The following RNF24 variants were observed in gnomAD, a reference collection of about 807,000 sequenced individuals.
RNF24 encodes the protein ring finger protein 24.
In RNF24, 14 loss-of-function variants were observed where a neutral mutation model predicts 20.0. The observed-to-expected ratio is 0.70, with a 90% CI of 0.46 to 1.10. RNF24 has a LOEUF of 1.10. Among genes scored for constraint, RNF24 ranks in the 50% least tolerant of loss-of-function variants. The pLI is 0.00. For synonymous variants in RNF24, 45 were observed against 61.1 expected, an observed-to-expected ratio of 0.74 and a Z score of 1.23; for missense variants, 124 against 177.6, an observed-to-expected ratio of 0.70 and a Z score of 1.71.
At chr20:3,991,442 T>G (rs967146796) in intron 1 of RNF24, among the ~76,000 whole-genome samples, 2 of 151,846 alleles carry the variant, frequency 1.3e-5, no homozygotes, top group South Asian at 2.1e-4. Flanking sequence ...TTAGTAGAGA[T>G]AGGATTTCAC....
At chr20:4,007,751 A>G (rs181746470) in intron 1 of RNF24, among the ~76,000 whole-genome samples, 30 of 150,938 alleles carry the variant, frequency 2.0e-4, no homozygotes, top group African/African-American at 6.1e-4. Flanking sequence ...AAAAAAAAAA[A>G]AAAAAAGAAA....
At chr20:3,937,167 G>A (rs1026736225) in intron 4 of RNF24, among the ~76,000 whole-genome samples, 2 of 152,086 alleles carry the variant, frequency 1.3e-5, no homozygotes, top group South Asian at 4.1e-4. Flanking sequence ...ATGGTATAAT[G>A]TGCTATTATG....
chr20:3,963,170 A>G (rs1406516395), intron 2 of RNF24, among the ~76,000 whole-genome samples: 1 of 152,168 alleles, frequency 6.6e-6, no homozygotes, highest in Non-Finnish European at 1.5e-5. Context: ...TCTATGAGAT[A>G]TAAGGAGCAT....
chr20:3,999,004 C>T (rs536535593), intron 1 of RNF24, among the ~76,000 whole-genome samples: 1 of 152,032 alleles, frequency 6.6e-6, no homozygotes, highest in East Asian at 1.9e-4. Context: ...CGTTTGAACC[C>T]GCAAGGTGGG....
Position 3,957,366 on chromosome 20 carries a change from T to C in RNF24, c.143+6509A>G, listed in dbSNP as rs1390569832. Reference sequence around the variant, plus strand: ...GTCTCAGCTACTTGAGAGGCTGAGGTAGGATTGCTTGAGCCTGGGAGGTTG... The same window carrying C: ...GTCTCAGCTACTTGAGAGGCTGAGGCAGGATTGCTTGAGCCTGGGAGGTTG... On this transcript the variant is annotated intron_variant, in intron 2 of 5. Transcript: ENST00000358395. Among the ~76,000 whole-genome samples, 7 of 150,336 alleles carry C rather than the reference T, an allele frequency of 4.7e-5. No homozygotes were observed. The Admixed American group carries it at 4.7e-4, about 10-fold the overall frequency.
rs779039867 is a variant in RNF24, at chr20:3,934,126, C to T, written c.384G>A (p.Leu128=). 16 of 1,581,002 alleles carry T rather than the reference C, an allele frequency of 1.0e-5. No homozygotes were observed. Among genetic ancestry groups the T allele is most frequent in the Admixed American group, 3.6e-5 (2 of 55,676 alleles). The stretch of plus-strand genomic sequence containing the variant: ...GGGGTCCACGGTCCTGCTTACTGTG[C>T]AACTGGGCCAGCTGTAGAACTGGCA... The part of the protein sequence containing the change: ...CNMPVLQLAQ[L]HSKQDRGPPQ... The change falls in exon 6 of 6, where the codon TTG becomes TTA. Residue 128 remains leucine, a synonymous_variant. Transcript: ENST00000358395. The surrounding 1 kb of genome is among the most constrained non-coding windows in gnomAD (Gnocchi z 4.0).
rs552666138 is a variant in RNF24 at position 4,015,551 on chromosome 20, C to T, written c.-122G>A. 344 of 150,818 alleles carry T rather than the reference C, an allele frequency of 2.3e-3. No individual in the cohort carries two copies. Among genetic ancestry groups the T allele is most frequent in the Non-Finnish European group, 3.6e-3 (246 of 67,574 alleles). 9.3% of individuals were successfully genotyped at this position (150,818 alleles called of 1,614,324 possible). A position where few individuals can be genotyped will look rare whatever the true frequency, so the allele number is the denominator to read the frequency against. ...CAGAGCGCGGCGGAGGTGGCGGCGG[C>T]TGACTGCGCCCGGCGGCCCCTCGCG... On this transcript the variant is annotated 5_prime_UTR_variant, in exon 1 of 6. Transcript: ENST00000358395.
At position 3,999,476 on chromosome 20, in the gene RNF24, C is replaced by T. The variant is rs187087830; in HGVS notation, c.-8+15961G>A. 5.5e-3 allele frequency among the ~76,000 whole-genome samples: 834 copies of T among 152,204 alleles called. 17 individuals are homozygous for T. Among genetic ancestry groups the T allele is most frequent in the Admixed American group, 0.049 (744 of 15,280 alleles). ...TTCTTTGTTTAAAAAAAGTCACGGC[C>T]GGGTGCAGTGGCTCACGCCTGTAAT... On this transcript the variant is annotated intron_variant, in intron 1 of 5. Coordinates refer to ENST00000358395, the MANE Select transcript of RNF24 (RefSeq NM_001134337.3).
chr20:3,975,038 G>A (rs976148184), intron 1 of RNF24, among the ~76,000 whole-genome samples: 2 of 152,114 alleles, frequency 1.3e-5, no homozygotes, highest in Admixed American at 1.3e-4. Context: ...GACACTGATT[G>A]GTTTTAGCAA....
chr20:3,959,823 G>A (rs2091182288), intron 2 of RNF24, among the ~76,000 whole-genome samples: 1 of 152,158 alleles, frequency 6.6e-6, no homozygotes, highest in African/African-American at 2.4e-5. Context: ...CTAGGGAACC[G>A]TTCATTCATT....
intron 1 of RNF24, among the ~76,000 whole-genome samples, chr20:3,972,204 A>G (rs553851026): frequency 6.6e-5 from 10 of 152,358 alleles, no homozygotes; most frequent in African/African-American, 2.4e-4. Context: ...TTATACTCAA[A>G]TACTTCAAAA....
At chr20:4,003,085 TC>T (rs1367950746) in intron 1 of RNF24, among the ~76,000 whole-genome samples, 1 of 152,228 alleles carries the variant, frequency 6.6e-6, no homozygotes, top group African/African-American at 2.4e-5. Context: ...TTCTCCTGCC[TC>T]AGCCTTCTGA....
At chr20:3,940,147 G>A (rs112785379) in intron 4 of RNF24, among the ~76,000 whole-genome samples, 4 of 151,878 alleles carry the variant, frequency 2.6e-5, no homozygotes, top group South Asian at 2.1e-4. Flanking sequence ...TAGTAGAGAC[G>A]GGGTTTCTCT....
In RNF24 at chr20:3,927,845, AC is replaced by A. The variant is rs1224834281; in HGVS notation, c.*6217del. On this transcript the variant is annotated 3_prime_UTR_variant, in exon 6 of 6. Coordinates refer to ENST00000358395, the MANE Select transcript of RNF24 (RefSeq NM_001134337.3). The stretch of plus-strand genomic sequence containing the variant: ...CCCCAAAGCACAAACAAGTCTGCTG[AC>A]ACTGGTGGGGCCCTTACAGTCACAG... 6.6e-6 allele frequency: 1 copy of A among 152,252 alleles called. No individual in the cohort carries two copies. The highest frequency in any genetic ancestry group is 1.9e-4 in the East Asian group (1 of 5,198). The allele number at this position is 152,252 out of a possible 1,614,324, so 9.4% of individuals were successfully genotyped here.
chr20:4,008,442 TAA>T (rs1491281056), intron 1 of RNF24, among the ~76,000 whole-genome samples: 3 of 13,292 alleles, frequency 2.3e-4, no homozygotes, highest in South Asian at 2.9e-3. Context: ...ATAATATGTA[TAA>T]TATATATAAT....
intron 3 of RNF24, among the ~76,000 whole-genome samples, chr20:3,945,756 G>A (rs1049036329): frequency 6.6e-6 from 1 of 150,840 alleles, no homozygotes; most frequent in African/African-American, 2.4e-5. Context: ...AATTTTGAAA[G>A]TTTTGACTCC....
At position 3,934,290 on chromosome 20, in the gene RNF24, GACA is replaced by G. The variant is rs1479345515; in HGVS notation, c.309-92_309-90del. 5.9e-6 allele frequency: 8 copies of G among 1,361,234 alleles called. No homozygotes were observed. In the Admixed American group the frequency reaches 8.5e-5, roughly 14 times the overall value. 84.3% of individuals were successfully genotyped at this position (1,361,234 alleles called of 1,614,324 possible). A position where few individuals can be genotyped will look rare whatever the true frequency, so the allele number is the denominator to read the frequency against. Reference sequence around the variant, plus strand: ...TGAACATCTCCATATCTGTCACCCAGACAACGTCTGCTGTATGGTCCAAGGAGC... The same window carrying G: ...TGAACATCTCCATATCTGTCACCCAGACGTCTGCTGTATGGTCCAAGGAGC... On this transcript the variant is annotated intron_variant, in intron 5 of 5. Coordinates refer to ENST00000358395, the MANE Select transcript of RNF24 (RefSeq NM_001134337.3). The surrounding 1 kb of genome is among the most constrained non-coding windows in gnomAD (Gnocchi z 4.0).
chr20:3,998,122 A>T, intron 1 of RNF24, among the ~76,000 whole-genome samples: 1 of 152,234 alleles, frequency 6.6e-6, no homozygotes, highest in Non-Finnish European at 1.5e-5. Flanking sequence ...AATACTTAGC[A>T]TTCAGCCCAT....
At chr20:3,993,473 G>C (rs1201203695) in intron 1 of RNF24, among the ~76,000 whole-genome samples, 1 of 152,136 alleles carries the variant, frequency 6.6e-6, no homozygotes, top group Non-Finnish European at 1.5e-5. Context: ...TTTTAGTAGA[G>C]ACAGGGTTTC....
Sources: allele counts gnomAD v4.1 joint callset (sites outside exome capture counted in the v4.1 genomes callset), GRCh38; gene constraint gnomAD v4.1.1; non-coding constraint Gnocchi (gnomAD v3.1); transcripts MANE v1.5; gene names NCBI Gene and HGNC (gene_info 2026-07-23, HGNC 2026-07-21).